The following KLF8 variants were observed in gnomAD, a reference collection of about 807,000 sequenced individuals.
KLF8 encodes KLF transcription factor 8, also known as Krueppel-like factor 8.
Under a neutral mutation model 18.2 loss-of-function variants are expected in KLF8, and 10 were observed. The observed-to-expected ratio is 0.55, with a 90% confidence interval of 0.34 to 0.93. KLF8 has a LOEUF of 0.93. Ranked by LOEUF, KLF8 falls within the 40% of genes least tolerant of loss-of-function variation. The pLI, the probability that KLF8 is intolerant of heterozygous loss-of-function variation, is 0.02. For missense variants in KLF8, 264 were observed against 277.9 expected, an observed-to-expected ratio of 0.95 and a Z score of 0.36; for synonymous variants, 109 against 97.3, an observed-to-expected ratio of 1.12 and a Z score of -0.71.
chrX:56,204,978 G>C, the KLF8 span, among the ~76,000 whole-genome samples: 5 of 110,688 alleles, frequency 4.5e-5, no homozygotes, highest in Admixed American at 4.9e-4. Flanking sequence ...TTTAGAAGCT[G>C]GGCAGAGAAA....
the KLF8 span, among the ~76,000 whole-genome samples, chrX:56,186,047 C>G: frequency 6.3e-5 from 7 of 111,844 alleles, no homozygotes; most frequent in African/African-American, 9.7e-5. Context: ...AATGTAAATG[C>G]ACTAAATGCT....
At chrX:55,942,169 A>G in the KLF8 span, among the ~76,000 whole-genome samples, 1 of 111,667 alleles carries the variant, frequency 9.0e-6, no homozygotes, top group Admixed American at 9.6e-5. Flanking sequence ...CATATACACC[A>G]TGGAATACTA....
chrX:56,122,427 A>G, the KLF8 span, among the ~76,000 whole-genome samples: 1 of 111,666 alleles, frequency 9.0e-6, no homozygotes, highest in Non-Finnish European at 1.9e-5. Context: ...TACAATATGC[A>G]AAATATATGA....
At chrX:56,189,498 G>C in the KLF8 span, among the ~76,000 whole-genome samples, 4 of 111,026 alleles carry the variant, frequency 3.6e-5, no homozygotes, top group Non-Finnish European at 7.5e-5. Context: ...AATACCATTT[G>C]ACCCAGCCAT....
At chrX:55,943,492 T>C in the KLF8 span, among the ~76,000 whole-genome samples, 2 of 111,393 alleles carry the variant, frequency 1.8e-5, no homozygotes, top group African/African-American at 6.5e-5. Context: ...AGTTGGTGAC[T>C]AGGTTTCTGA....
At chrX:56,203,929 A>G in the KLF8 span, among the ~76,000 whole-genome samples, 1 of 111,112 alleles carries the variant, frequency 9.0e-6, no homozygotes, top group South Asian at 3.8e-4. Flanking sequence ...TTCCATATGC[A>G]TTTTGGAATA....
the KLF8 span, among the ~76,000 whole-genome samples, chrX:56,178,346 G>A: frequency 8.9e-6 from 1 of 112,039 alleles, no homozygotes; most frequent in Non-Finnish European, 1.9e-5. Flanking sequence ...ATTTTTTCTT[G>A]TAAGTTTGTT....
the KLF8 span, among the ~76,000 whole-genome samples, chrX:56,225,927 G>C: frequency 1.4e-4 from 16 of 112,448 alleles, no homozygotes; most frequent in East Asian, 4.2e-3. Flanking sequence ...ACTACTATTA[G>C]ACTCCTGGCC....
At chrX:56,083,095 C>T in the KLF8 span, among the ~76,000 whole-genome samples, 32 of 111,589 alleles carry the variant, frequency 2.9e-4, no homozygotes, top group Non-Finnish European at 5.1e-4. Context: ...GAAATTTCAG[C>T]CATTTTCTTT....
At chrX:56,034,150 C>T in the KLF8 span, among the ~76,000 whole-genome samples, 1 of 111,471 alleles carries the variant, frequency 9.0e-6, no homozygotes, top group East Asian at 2.8e-4. Context: ...ATTTTCAGGT[C>T]TTTTCTTTAA....
rs2067301771 is a variant in KLF8 at position 56,289,491 on chromosome X, C to G, written c.*4997C>G. The stretch of plus-strand genomic sequence containing the variant: ...CAGCAAGGAAACATATGTGTGTATA[C>G]TATCCTATGTATATGCACATTCTAT... On this transcript the variant is annotated 3_prime_UTR_variant, in exon 6 of 6. Coordinates refer to ENST00000468660, the MANE Select transcript of KLF8 (RefSeq NM_007250.5). Among the ~76,000 whole-genome samples the G allele has an allele frequency of 8.9e-6, 1 of 111,951 alleles. No homozygotes were observed. The highest frequency in any genetic ancestry group is 1.9e-5 in the Non-Finnish European group (1 of 53,234).
the KLF8 span, among the ~76,000 whole-genome samples, chrX:56,176,191 C>A: frequency 8.9e-6 from 1 of 111,975 alleles, no homozygotes; most frequent in African/African-American, 3.2e-5. Context: ...CAGTTTCTTC[C>A]TAGCCTCCAT....
At chrX:55,967,050 G>A in the KLF8 span, among the ~76,000 whole-genome samples, 1 of 111,493 alleles carries the variant, frequency 9.0e-6, no homozygotes, top group Non-Finnish European at 1.9e-5. Flanking sequence ...TGAGCTTGAA[G>A]AAAGGCTATA....
the KLF8 span, among the ~76,000 whole-genome samples, chrX:56,098,691 G>A: frequency 5.7e-4 from 63 of 111,240 alleles, no homozygotes; most frequent in East Asian, 2.6e-3. Context: ...AAGAATGCCC[G>A]CTCTCACCAC....
chrX:55,990,372 A>G, the KLF8 span, among the ~76,000 whole-genome samples: 2 of 112,098 alleles, frequency 1.8e-5, no homozygotes, highest in African/African-American at 6.5e-5. Flanking sequence ...ACTGCTTTGA[A>G]TGTGTCCCTG....
chrX:56,194,123 C>G, the KLF8 span, among the ~76,000 whole-genome samples: 1 of 110,555 alleles, frequency 9.0e-6, no homozygotes, highest in African/African-American at 3.3e-5. Context: ...AGGAACAGCT[C>G]CAGGCTGCAG....
At chrX:56,198,343 C>T in the KLF8 span, among the ~76,000 whole-genome samples, 1 of 111,854 alleles carries the variant, frequency 8.9e-6, no homozygotes, top group African/African-American at 3.2e-5. Context: ...ATAACCCCAT[C>T]GTCTCAGCCC....
chrX:56,122,990 C>T, the KLF8 span, among the ~76,000 whole-genome samples: 1 of 110,453 alleles, frequency 9.1e-6, no homozygotes, highest in South Asian at 3.8e-4. Context: ...TAATTCTCCC[C>T]CTTTTCCACT....
chrX:55,944,808 G>T, the KLF8 span, among the ~76,000 whole-genome samples: 2 of 110,857 alleles, frequency 1.8e-5, no homozygotes, highest in Non-Finnish European at 3.8e-5. Flanking sequence ...TTTTTTGAAG[G>T]GTTTTTTGTG....
Sources: allele counts gnomAD v4.1 joint callset (sites outside exome capture counted in the v4.1 genomes callset), GRCh38; gene constraint gnomAD v4.1.1; transcripts MANE v1.5; gene names NCBI Gene and HGNC (gene_info 2026-07-23, HGNC 2026-07-21).